DCT: variants seen among roughly 807,000 people sequenced by gnomAD.
DCT encodes dopachrome tautomerase, also known as L-dopachrome tautomerase.
Under a neutral mutation model 53.0 loss-of-function variants are expected in DCT, and 47 were observed. The ratio of observed to expected loss-of-function variants is 0.89; its 90% CI spans 0.70 to 1.13. DCT has a LOEUF of 1.13. Ranked by LOEUF, DCT falls within the 50% of genes most tolerant of loss-of-function variation. The pLI is 0.00. For synonymous variants in DCT, 244 were observed against 237.0 expected (o/e 1.03, Z -0.27); for missense variants, 669 against 637.4 (o/e 1.05, Z -0.53).
At chr13:94,504,976 C>T in the DCT span, among the ~76,000 whole-genome samples, 6 of 152,058 alleles carry the variant, frequency 3.9e-5, no homozygotes, top group South Asian at 4.2e-4. Flanking sequence ...CACATCAGAA[C>T]GGAGACGGCA....
chr13:94,482,406 G>C (rs946240428), upstream of DCT, among the ~76,000 whole-genome samples: 5 of 152,086 alleles, frequency 3.3e-5, no homozygotes, highest in Middle Eastern at 3.2e-3. Flanking sequence ...CCTCTGTCTG[G>C]AATAATCTTG....
At chr13:94,546,137 T>C in the DCT span, among the ~76,000 whole-genome samples, 12 of 152,238 alleles carry the variant, frequency 7.9e-5, no homozygotes, top group African/African-American at 2.9e-4. The surrounding 1 kb of genome is among the most constrained non-coding windows in gnomAD (Gnocchi z 4.2). Flanking sequence ...GCTGTGTATC[T>C]CCTACAAAGG....
the DCT span, among the ~76,000 whole-genome samples, chr13:94,526,836 C>T: frequency 6.6e-6 from 1 of 152,162 alleles, no homozygotes; most frequent in East Asian, 1.9e-4. Context: ...ACCCAGGAAA[C>T]ACCAGGGGTC....
intron 1 of DCT, among the ~76,000 whole-genome samples, chr13:94,470,002 G>A (rs375815899): frequency 5.3e-5 from 8 of 152,084 alleles, no homozygotes; most frequent in African/African-American, 1.9e-4. Context: ...TTGAACCCGG[G>A]AAGTAGAGGT....
At chr13:94,511,396 GT>G in the DCT span, among the ~76,000 whole-genome samples, 1 of 141,494 alleles carries the variant, frequency 7.1e-6, no homozygotes, top group Non-Finnish European at 1.5e-5. Context: ...GTCTCACTCT[GT>G]CACCCAGGCT....
At position 94,465,771 on chromosome 13, in the gene DCT, A is replaced by C. The variant is rs1236879740; in HGVS notation, c.725T>G (p.Leu242Trp). 6.2e-7 allele frequency: 1 copy of C among 1,612,724 alleles called. No homozygotes were observed. Among genetic ancestry groups the C allele is most frequent in the Admixed American group, 1.7e-5 (1 of 59,862 alleles). Residue 242 changes from leucine to tryptophan, a missense_variant, in exon 4 of 8, where the codon TTG becomes TGG. Physicochemically the swap from Leu to Trp is moderately conservative, Grantham distance 61. Coordinates refer to ENST00000377028, the MANE Select transcript of DCT (RefSeq NM_001922.5). ...QRLIGNESFALPYWNFATGRN... is the reference protein window; with the variant it reads ...QRLIGNESFAWPYWNFATGRN... ...CCCAGTGGCAAAGTTCCAGTAGGGC[A>C]AAGCAAAAGACTCATTGCCAATGAG...
intron 6 of DCT, among the ~76,000 whole-genome samples, chr13:94,448,762 G>A (rs1440056378): frequency 6.6e-6 from 1 of 151,994 alleles, no homozygotes; most frequent in African/African-American, 2.4e-5. Context: ...ACATTAGCTG[G>A]GTGTGGTGGC....
At chr13:94,519,987 G>A in the DCT span, among the ~76,000 whole-genome samples, 1 of 152,186 alleles carries the variant, frequency 6.6e-6, no homozygotes, top group East Asian at 1.9e-4. Context: ...CTGACTCTAA[G>A]ATGTCTCTCT....
At chr13:94,516,824 T>A in the DCT span, among the ~76,000 whole-genome samples, 2 of 151,986 alleles carry the variant, frequency 1.3e-5, no homozygotes, top group Non-Finnish European at 1.5e-5. Flanking sequence ...CTTGGACTTC[T>A]CAGCCCCCAT....
chr13:94,476,169 A>G (rs1158317971), intron 1 of DCT, among the ~76,000 whole-genome samples: 2 of 136,448 alleles, frequency 1.5e-5, no homozygotes. Flanking sequence ...TTTTTAGAGC[A>G]GGGGGAGCCT....
At chr13:94,513,777 A>C in the DCT span, among the ~76,000 whole-genome samples, 1 of 152,080 alleles carries the variant, frequency 6.6e-6, no homozygotes, top group African/African-American at 2.4e-5. Flanking sequence ...ACTTGAGATC[A>C]GAAGTTCGAG....
At chr13:94,535,909 G>T in the DCT span, among the ~76,000 whole-genome samples, 1 of 152,112 alleles carries the variant, frequency 6.6e-6, no homozygotes, top group Non-Finnish European at 1.5e-5. Flanking sequence ...CCCTCTTCGA[G>T]GAAGAATGTC....
chr13:94,522,072 T>C, the DCT span, among the ~76,000 whole-genome samples: 1 of 152,192 alleles, frequency 6.6e-6, no homozygotes, highest in Non-Finnish European at 1.5e-5. Flanking sequence ...TATCAGGACT[T>C]ATTCCTTTTT....
At chr13:94,548,374 C>T in the DCT span, among the ~76,000 whole-genome samples, 1 of 151,944 alleles carries the variant, frequency 6.6e-6, no homozygotes, top group East Asian at 1.9e-4. Flanking sequence ...ATGAGTTTCC[C>T]TTCCCCCTCA....
chr13:94,545,563 T>C, the DCT span, among the ~76,000 whole-genome samples: 1 of 152,096 alleles, frequency 6.6e-6, no homozygotes, highest in African/African-American at 2.4e-5. Flanking sequence ...CCCAGTTAGC[T>C]AACTCCAGCT....
chr13:94,493,029 T>C, the DCT span, among the ~76,000 whole-genome samples: 1 of 152,184 alleles, frequency 6.6e-6, no homozygotes, highest in South Asian at 2.1e-4. Flanking sequence ...AGGCATCCAT[T>C]GTGCTTGGAA....
chr13:94,486,225 T>C, the DCT span, among the ~76,000 whole-genome samples: 1 of 152,316 alleles, frequency 6.6e-6, no homozygotes, highest in East Asian at 1.9e-4. Context: ...TGATGGAAAC[T>C]TACAATCTCT....
the DCT span, among the ~76,000 whole-genome samples, chr13:94,530,392 A>G: frequency 6.6e-6 from 1 of 152,342 alleles, no homozygotes; most frequent in African/African-American, 2.4e-5. Flanking sequence ...AATCCTCAAT[A>G]AAATACTGGC....
At chr13:94,503,904 C>T in the DCT span, among the ~76,000 whole-genome samples, 1 of 152,202 alleles carries the variant, frequency 6.6e-6, no homozygotes, top group Admixed American at 6.5e-5. Context: ...GCTTTCATAA[C>T]TATTAGAGTT....
Sources: gnomAD v4.1 joint callset for allele counts (sites outside exome capture counted in the v4.1 genomes callset) on GRCh38, gnomAD v4.1.1 for gene constraint, Gnocchi (gnomAD v3.1) non-coding constraint, MANE v1.5 for transcripts, NCBI Gene and HGNC (gene_info 2026-07-23, HGNC 2026-07-21) for gene names.